The following EIF3C variants were observed in gnomAD, a reference collection of about 807,000 sequenced individuals.
EIF3C encodes cell migration-inducing protein 17.
In EIF3C, 2 loss-of-function variants were observed where a neutral mutation model predicts 11.1. The observed-to-expected ratio is 0.18, with a 90% CI of 0.07 to 0.57. The LOEUF (loss-of-function observed/expected upper bound fraction) is 0.57, where lower values mean the gene tolerates loss of function less well. EIF3C is among the 20% of genes least tolerant of loss of function. The pLI, the probability that EIF3C is intolerant of heterozygous loss-of-function variation, is 0.92. For missense variants in EIF3C, 16 were observed against 114.6 expected, an observed-to-expected ratio of 0.14 and a Z score of 3.93; for synonymous variants, 2 against 41.5, an observed-to-expected ratio of 0.05 and a Z score of 3.66.
chr16:28,698,111 TGGCCGGGCGGGGG>T, intron 1 of EIF3C, among the ~76,000 whole-genome samples: 1 of 76,100 alleles, frequency 1.3e-5, no homozygotes, highest in African/African-American at 6.3e-5. Flanking sequence ...ACGGGGCGGC[TGGCCGGGCGGGGG>T]GGCTGACCCC....
chr16:28,699,354 CGGCAGGCTGA>C (rs1308614014), intron 1 of EIF3C, among the ~76,000 whole-genome samples: 13 of 76,320 alleles, frequency 1.7e-4, no homozygotes. Context: ...CGCAGGCACT[CGGCAGGCTGA>C]GGCAGGAGAA....
At chr16:28,727,790 A>G (rs2048394216) in intron 15 of EIF3C, among the ~76,000 whole-genome samples, 1 of 116,402 alleles carries the variant, frequency 8.6e-6, no homozygotes, top group African/African-American at 2.9e-5. Context: ...AAGAAACTCA[A>G]AAGTGGTTAT....
chr16:28,698,413 T>C (rs377742168), intron 1 of EIF3C, among the ~76,000 whole-genome samples: 39,921 of 62,096 alleles, frequency 0.64, 14,911 homozygotes, highest in South Asian at 0.82. Flanking sequence ...CCGGACGGCA[T>C]GGCTGGCCAG....
intron 1 of EIF3C, among the ~76,000 whole-genome samples, chr16:28,696,817 G>A (rs567890783): frequency 2.6e-3 from 185 of 70,054 alleles, no homozygotes; most frequent in Non-Finnish European, 3.8e-3. Flanking sequence ...CTGCCCTCCA[G>A]CCTGGGCAAC....
At chr16:28,698,259 A>G (rs1478101083) in intron 1 of EIF3C, among the ~76,000 whole-genome samples, 1 of 76,754 alleles carries the variant, frequency 1.3e-5, no homozygotes, top group Admixed American at 1.3e-4. Context: ...GGGGGGGCTG[A>G]CCCCCCCATC....
In EIF3C at chr16:28,689,243, A is replaced by C. The variant is rs2048210542; in HGVS notation, c.-31+415A>C. ...TTTTTTAGAGCTCTCTTTGATTCAC[A>C]CTTAGTCACAATCCCCTGTAAATAG... On this transcript the variant is annotated intron_variant, in intron 1 of 20. Transcript: ENST00000566501. 4.0e-5 allele frequency among the ~76,000 whole-genome samples: 2 copies of C among 50,292 alleles called. 1 individual carries two copies. Among genetic ancestry groups the C allele is most frequent in the South Asian group, 1.3e-3 (2 of 1,588 alleles). The allele number at this position is 50,292 out of a possible 152,430, so 33.0% of individuals were successfully genotyped here. A position where few individuals can be genotyped will look rare whatever the true frequency, so the allele number is the denominator to read the frequency against.
In EIF3C at chr16:28,696,908, G is replaced by T. The variant is rs1276987227; in HGVS notation, c.-31+8080G>T. 5.9e-5 allele frequency among the ~76,000 whole-genome samples: 3 copies of T among 50,854 alleles called. 1 individual carries two copies. The highest frequency in any genetic ancestry group is 4.3e-4 in the Admixed American group (2 of 4,680). The allele number at this position is 50,854 out of a possible 152,430, so 33.4% of individuals were successfully genotyped here. A position where few individuals can be genotyped will look rare whatever the true frequency, so the allele number is the denominator to read the frequency against. Reference sequence around the variant, plus strand: ...ACCACACCCCAGAAAGAATGGTTTGGGTTTTTTACCCCGCACAGAGGCTGG... The same window carrying T: ...ACCACACCCCAGAAAGAATGGTTTGTGTTTTTTACCCCGCACAGAGGCTGG... On this transcript the variant is annotated intron_variant, in intron 1 of 20. Coordinates refer to the EIF3C transcript ENST00000566501.
chr16:28,704,284 T>C (rs2151791077), intron 1 of EIF3C, among the ~76,000 whole-genome samples: 1 of 48,532 alleles, frequency 2.1e-5, no homozygotes, highest in East Asian at 5.2e-4. Flanking sequence ...CAAAAAAGAA[T>C]GTCCTACCAT....
chr16:28,698,871 G>A (rs1596704282), intron 1 of EIF3C, among the ~76,000 whole-genome samples: 21 of 9,694 alleles, frequency 2.2e-3, no homozygotes, highest in East Asian at 6.1e-3. Flanking sequence ...CATCTCAGAC[G>A]ATGGGCGGCC....
intron 1 of EIF3C, among the ~76,000 whole-genome samples, chr16:28,697,990 C>CGG (rs1312924039): frequency 9.5e-5 from 2 of 20,994 alleles, no homozygotes; most frequent in East Asian, 1.9e-3. Flanking sequence ...GCTGGCCGGG[C>CGG]GGGGGGGCTG....
chr16:28,698,259 ACCC>A (rs1169783314), intron 1 of EIF3C, among the ~76,000 whole-genome samples: 2 of 76,752 alleles, frequency 2.6e-5, no homozygotes, highest in African/African-American at 1.1e-4. Flanking sequence ...GGGGGGGCTG[ACCC>A]CCCCATCTCC....
Position 28,700,721 on chromosome 16 carries a change from C to T in EIF3C, c.-30-10936C>T, listed in dbSNP as rs1034251626. 2.9e-4 allele frequency: 41 copies of T among 143,618 alleles called. 11 individuals are homozygous for T. The highest frequency in any genetic ancestry group is 5.4e-4 in the East Asian group (2 of 3,678). The allele number at this position is 143,618 out of a possible 1,614,324, so 8.9% of individuals were successfully genotyped here. A position where few individuals can be genotyped will look rare whatever the true frequency, so the allele number is the denominator to read the frequency against. ...AGTGAAGAACTGCCAGAAGCAGACC[C>T]GGGGGACCCCTTCCGGCTCCTGACC... On this transcript the variant is annotated intron_variant, in intron 1 of 20. Transcript: ENST00000566501.
chr16:28,729,785 C>A (rs1301081964), intron 15 of EIF3C, among the ~76,000 whole-genome samples: 1 of 145,712 alleles, frequency 6.9e-6, no homozygotes, highest in African/African-American at 2.5e-5. Flanking sequence ...CATAACAAAA[C>A]CCTGTCTCTA....
Position 28,700,576 on chromosome 16 carries a change from T to C in EIF3C, c.-30-11081T>C, listed in dbSNP as rs1336713861. ...CTGCTTCTTGAGCTCCTCCTCCTAG[T>C]ACTCCTGCTCCACCTGCTTTCTAGA... On this transcript the variant is annotated intron_variant, in intron 1 of 20. Coordinates refer to the EIF3C transcript ENST00000566501. 8 of 280,748 alleles carry C rather than the reference T, an allele frequency of 2.8e-5. 1 individual carries two copies. The highest frequency in any genetic ancestry group is 4.6e-5 in the Non-Finnish European group (7 of 152,640). The allele number at this position is 280,748 out of a possible 1,614,324, so 17.4% of individuals were successfully genotyped here.
At chr16:28,729,847 C>G (rs918669987) in intron 15 of EIF3C, among the ~76,000 whole-genome samples, 7 of 149,898 alleles carry the variant, frequency 4.7e-5, no homozygotes, top group African/African-American at 7.4e-5. Context: ...GTAGTCCCAC[C>G]TACTCAGGAG....
intron 15 of EIF3C, among the ~76,000 whole-genome samples, chr16:28,731,132 C>T (rs1306311386): frequency 8.9e-5 from 3 of 33,834 alleles, no homozygotes; most frequent in South Asian, 1.2e-3. Flanking sequence ...AGTGAGACTC[C>T]GTCTCCAAAA....
chr16:28,701,391 C>G lies in EIF3C; in HGVS notation c.-30-10266C>G. ...CTTGCACTTGTACTCCCAGCAGCCC[C>G]TGTCCAGTTCCTCCTTCTCCTTCTG... On this transcript the variant is annotated intron_variant, in intron 1 of 20. Coordinates refer to the EIF3C transcript ENST00000566501. 2 of 244,798 alleles carry G rather than the reference C, an allele frequency of 8.2e-6. 1 individual carries two copies. The highest frequency in any genetic ancestry group is 1.5e-5 in the Non-Finnish European group (2 of 134,968). The allele number at this position is 244,798 out of a possible 1,614,324, so 15.2% of individuals were successfully genotyped here.
intron 1 of EIF3C, among the ~76,000 whole-genome samples, chr16:28,697,731 G>A (rs1296740705): frequency 1.1e-5 from 1 of 90,680 alleles, no homozygotes; most frequent in Non-Finnish European, 1.9e-5. Context: ...GGTGGTGGCC[G>A]GTCAGAGGGG....
chr16:28,698,539 C>CT (rs2048259470), intron 1 of EIF3C, among the ~76,000 whole-genome samples: 1 of 93,944 alleles, frequency 1.1e-5, no homozygotes, highest in Non-Finnish European at 1.9e-5. Flanking sequence ...GCTGACCCCC[C>CT]CCACCTCCCT....
Sources: gnomAD v4.1 joint callset for allele counts (sites outside exome capture counted in the v4.1 genomes callset) on GRCh38, gnomAD v4.1.1 for gene constraint, MANE v1.5 for transcripts, NCBI Gene and HGNC (gene_info 2026-07-23, HGNC 2026-07-21) for gene names.